The following HS3ST1 variants were observed in gnomAD, a reference collection of about 807,000 sequenced individuals.
HS3ST1 encodes heparan sulfate glucosamine 3-O-sulfotransferase 1.
In HS3ST1, 8 loss-of-function variants were observed where a neutral mutation model predicts 20.7. That is an observed-to-expected ratio of 0.39 (90% CI 0.23 to 0.70). The LOEUF is 0.70. HS3ST1 is among the 30% of genes least tolerant of loss of function. HS3ST1 has a pLI of 0.46. For synonymous variants in HS3ST1, 205 were observed against 190.4 expected (o/e 1.08, Z -0.63); for missense variants, 436 against 423.4 (o/e 1.03, Z -0.26).
At chr4:11,416,236 T>C (rs939569731) in intron 1 of HS3ST1, among the ~76,000 whole-genome samples, 4 of 152,180 alleles carry the variant, frequency 2.6e-5, no homozygotes, top group Non-Finnish European at 4.4e-5. Context: ...TTTATCATAG[T>C]GGTACTTTCA....
chr4:11,430,968 A>T (rs58859462), upstream of HS3ST1, among the ~76,000 whole-genome samples: 2,466 of 152,282 alleles, frequency 0.016, 57 homozygotes, highest in African/African-American at 0.056. Context: ...ATGTCCAGGC[A>T]TTTGCCACTG....
chr4:11,407,801 T>C (rs1718510243), intron 1 of HS3ST1, among the ~76,000 whole-genome samples: 1 of 152,226 alleles, frequency 6.6e-6, no homozygotes, highest in Non-Finnish European at 1.5e-5. Context: ...CAGATTCTAA[T>C]GCAAGAGGCC....
intron 1 of HS3ST1, among the ~76,000 whole-genome samples, chr4:11,417,752 G>C (rs1718823778): frequency 6.6e-6 from 1 of 152,198 alleles, no homozygotes; most frequent in Non-Finnish European, 1.5e-5. Flanking sequence ...AAAAATGACA[G>C]AGCTGGGAAG....
rs560606748 is a variant in HS3ST1, at chr4:11,399,889, A to G, written c.117T>C (p.Asp39=). The stretch of plus-strand genomic sequence containing the variant: ...TTGGGGCCACGCCATCGCGGACGTC[A>G]TCCTGGAGGGTCCCCGCTTTCCGCA... ...ELLRKAGTLQ[D]DVRDGVAPNG... Residue 39 remains aspartate, a synonymous_variant, in exon 2 of 2, where the codon GAT becomes GAC. Coordinates refer to ENST00000002596, the MANE Select transcript of HS3ST1 (RefSeq NM_005114.4). This position sits in a 1 kb window ranked among gnomAD's most constrained non-coding sequence, Gnocchi z 5.1. The G allele has an allele frequency of 8.7e-6, 14 of 1,611,104 alleles. No homozygotes were observed. The highest frequency in any genetic ancestry group is 1.2e-5 in the Non-Finnish European group (14 of 1,179,590).
At chr4:11,420,416 G>A (rs986813160) in intron 1 of HS3ST1, among the ~76,000 whole-genome samples, 2 of 152,158 alleles carry the variant, frequency 1.3e-5, no homozygotes, top group Non-Finnish European at 2.9e-5. Context: ...CTCTCTAACA[G>A]TTTTATTAGC....
chr4:11,425,157 A>T (rs1223928851), intron 1 of HS3ST1, among the ~76,000 whole-genome samples: 1 of 152,208 alleles, frequency 6.6e-6, no homozygotes, highest in South Asian at 2.1e-4. Flanking sequence ...AATTATTCCA[A>T]ATATACTTAT....
At chr4:11,421,579 CCTAAA>C (rs1220569358) in intron 1 of HS3ST1, among the ~76,000 whole-genome samples, 1 of 152,164 alleles carries the variant, frequency 6.6e-6, no homozygotes, top group East Asian at 1.9e-4. Context: ...GATTTACCCT[CCTAAA>C]CTAAAGAGTG....
intron 1 of HS3ST1, among the ~76,000 whole-genome samples, chr4:11,420,905 G>C (rs1718914194): frequency 6.6e-6 from 1 of 152,134 alleles, no homozygotes; most frequent in Non-Finnish European, 1.5e-5. Flanking sequence ...AGAACTTTCA[G>C]AAAAGAATCG....
Position 11,398,464 on chromosome 4 carries a change from A to G in HS3ST1, c.*618T>C, listed in dbSNP as rs751603665. The G allele has an allele frequency of 6.6e-6, 1 of 152,290 alleles. No homozygotes were observed. Among genetic ancestry groups the G allele is most frequent in the African/African-American group, 2.4e-5 (1 of 41,466 alleles). 9.4% of individuals were successfully genotyped at this position (152,290 alleles called of 1,614,324 possible). ...GATGGATCCCAAGAGACCTCTAGCCAGTCACTAACTGCTTCTCCATCCTGA... is the reference window on the plus strand; with the variant it reads ...GATGGATCCCAAGAGACCTCTAGCCGGTCACTAACTGCTTCTCCATCCTGA... On this transcript the variant is annotated 3_prime_UTR_variant, in exon 2 of 2. Transcript: ENST00000002596.
chr4:11,399,900 T>G lies in HS3ST1; in HGVS notation c.106A>C (p.Thr36Pro), dbSNP rs781476250. The G allele has an allele frequency of 1.2e-5, 19 of 1,608,570 alleles. No homozygotes were observed. Among genetic ancestry groups the G allele is most frequent in the Non-Finnish European group, 1.4e-5 (17 of 1,178,838 alleles). ...CCATCGCGGACGTCATCCTGGAGGGTCCCCGCTTTCCGCAGAAGCTCCTGC... is the reference window on the plus strand; with the variant it reads ...CCATCGCGGACGTCATCCTGGAGGGGCCCCGCTTTCCGCAGAAGCTCCTGC... ...GQQELLRKAG[T>P]LQDDVRDGVA... Residue 36 changes from threonine to proline, a missense_variant, in exon 2 of 2, where the codon ACC becomes CCC. By Grantham distance (38) the Thr-to-Pro change is conservative (BLOSUM62 -1). Transcript: ENST00000002596. The surrounding 1 kb of genome is among the most constrained non-coding windows in gnomAD (Gnocchi z 5.1).
chr4:11,404,204 C>A (rs1718402081), intron 1 of HS3ST1, among the ~76,000 whole-genome samples: 1 of 152,054 alleles, frequency 6.6e-6, no homozygotes, highest in African/African-American at 2.4e-5. Flanking sequence ...GCCACCACAG[C>A]TGGCTAATTT....
chr4:11,396,199 G>A lies in HS3ST1; in HGVS notation c.*2883C>T, dbSNP rs747826607. ...TAAAGCACCCTGTGCTCAGAGGCAT[G>A]TCACTTTTCCTAAACTTGCAAACCT... On this transcript the variant is annotated 3_prime_UTR_variant, in exon 2 of 2. Coordinates refer to ENST00000002596, the MANE Select transcript of HS3ST1 (RefSeq NM_005114.4). 2.6e-5 allele frequency: 4 copies of A among 152,226 alleles called. No individual in the cohort carries two copies. Among genetic ancestry groups the A allele is most frequent in the Non-Finnish European group, 4.4e-5 (3 of 68,046 alleles). 9.4% of individuals were successfully genotyped at this position (152,226 alleles called of 1,614,324 possible).
At chr4:11,426,460 G>GT (rs541935153) in intron 1 of HS3ST1, among the ~76,000 whole-genome samples, 197 of 152,202 alleles carry the variant, frequency 1.3e-3, no homozygotes, top group Non-Finnish European at 2.2e-3. Flanking sequence ...CCCAGGGGGG[G>GT]GGCTTGAGGC....
chr4:11,418,613 A>T (rs1302520895), intron 1 of HS3ST1, among the ~76,000 whole-genome samples: 2 of 152,194 alleles, frequency 1.3e-5, no homozygotes, highest in African/African-American at 4.8e-5. Flanking sequence ...TCACAGAATG[A>T]CTGGTAACAA....
chr4:11,430,315 T>C (rs1024437556), upstream of HS3ST1, among the ~76,000 whole-genome samples: 1 of 152,162 alleles, frequency 6.6e-6, no homozygotes, highest in Admixed American at 6.5e-5. Flanking sequence ...AAATACAAAT[T>C]CTAAAAAGTG....
In HS3ST1 at chr4:11,398,707, A is replaced by G. The variant is rs570404256; in HGVS notation, c.*375T>C. ...GAAAAACATGTTTTTTTAAGTAACA[A>G]AAGAATTTAGATTTTGCAATGATTG... On this transcript the variant is annotated 3_prime_UTR_variant, in exon 2 of 2. Transcript: ENST00000002596. 3.1e-4 allele frequency: 50 copies of G among 161,576 alleles called. No individual in the cohort carries two copies. The highest frequency in any genetic ancestry group is 1.1e-3 in the African/African-American group (48 of 41,916). The allele number at this position is 161,576 out of a possible 1,614,324, so 10.0% of individuals were successfully genotyped here.
chr4:11,404,704 C>T (rs1361798931), intron 1 of HS3ST1, among the ~76,000 whole-genome samples: 1 of 152,190 alleles, frequency 6.6e-6, no homozygotes, highest in East Asian at 1.9e-4. Context: ...ACAAATGGGA[C>T]CTTTTGACAG....
intron 1 of HS3ST1, among the ~76,000 whole-genome samples, chr4:11,412,892 G>T (rs1478763587): frequency 6.6e-6 from 1 of 152,170 alleles, no homozygotes; most frequent in Non-Finnish European, 1.5e-5. Flanking sequence ...TATTGGAGGT[G>T]GGGCCCCTAG....
intron 1 of HS3ST1, among the ~76,000 whole-genome samples, chr4:11,411,051 G>C (rs1577441989): frequency 6.6e-6 from 1 of 152,142 alleles, no homozygotes. Context: ...GGAAACTTTT[G>C]TTCAGCTTTG....
Sources: gnomAD v4.1 joint callset for allele counts (sites outside exome capture counted in the v4.1 genomes callset) on GRCh38, gnomAD v4.1.1 for gene constraint, Gnocchi (gnomAD v3.1) non-coding constraint, MANE v1.5 for transcripts, NCBI Gene and HGNC (gene_info 2026-07-23, HGNC 2026-07-21) for gene names.